GNB1L: variants seen among roughly 807,000 people sequenced by gnomAD.
The protein encoded by GNB1L is guanine nucleotide-binding protein subunit beta-like protein 1.
A neutral mutation model predicts 29.1 loss-of-function variants in GNB1L; 20 were observed. The observed-to-expected ratio is 0.69, with a 90% confidence interval of 0.48 to 1.00. GNB1L has a LOEUF of 1.00. Among genes scored for constraint, GNB1L ranks in the 50% least tolerant of loss-of-function variants. The pLI, the probability that GNB1L is intolerant of heterozygous loss-of-function variation, is 0.00. For synonymous variants in GNB1L, 193 were observed against 206.5 expected, an observed-to-expected ratio of 0.93 and a Z score of 0.56; for missense variants, 421 against 464.9, an observed-to-expected ratio of 0.91 and a Z score of 0.87.
chr22:19,809,544 T>G (rs945082728), intron 5 of GNB1L, among the ~76,000 whole-genome samples: 1 of 152,168 alleles, frequency 6.6e-6, no homozygotes, highest in Non-Finnish European at 1.5e-5. Flanking sequence ...ACAAGCCACC[T>G]ATGGACAGCT....
intron 7 of GNB1L, among the ~76,000 whole-genome samples, chr22:19,793,672 C>T (rs1432033895): frequency 6.6e-6 from 1 of 152,154 alleles, no homozygotes; most frequent in Non-Finnish European, 1.5e-5. Flanking sequence ...AAAGCAGCCA[C>T]GGAGCAAGAC....
At chr22:19,831,292 G>A (rs113107384) in intron 2 of GNB1L, among the ~76,000 whole-genome samples, 3,811 of 151,356 alleles carry the variant, frequency 0.025, 170 homozygotes, top group African/African-American at 0.086. Flanking sequence ...TTTAACCCAG[G>A]AGGCGAAAGT....
intron 2 of GNB1L, among the ~76,000 whole-genome samples, chr22:19,843,857 C>T (rs1054504568): frequency 6.6e-6 from 1 of 152,228 alleles, no homozygotes; most frequent in East Asian, 1.9e-4. Context: ...TGAGTCTGTT[C>T]TCCATCCTAG....
intron 2 of GNB1L, among the ~76,000 whole-genome samples, chr22:19,833,189 C>T (rs1029970452): frequency 5.9e-5 from 9 of 152,198 alleles, no homozygotes; most frequent in East Asian, 1.9e-4. Context: ...TTTACAGATG[C>T]CAACCTTGAG....
chr22:19,817,478 T>G (rs946399830), intron 4 of GNB1L, among the ~76,000 whole-genome samples: 1 of 150,564 alleles, frequency 6.6e-6, no homozygotes, highest in African/African-American at 2.5e-5. Context: ...AGACTTTGTC[T>G]CAAAAAAAGA....
chr22:19,849,372 G>A (rs762297903), intron 2 of GNB1L: 1 of 665,748 alleles, frequency 1.5e-6, no homozygotes, highest in Non-Finnish European at 1.8e-6. Context: ...GTTTTTTGTT[G>A]TTTTTTTTTT....
chr22:19,799,202 A>C (rs1315260796), intron 7 of GNB1L, among the ~76,000 whole-genome samples: 1 of 152,214 alleles, frequency 6.6e-6, no homozygotes, highest in Non-Finnish European at 1.5e-5. Flanking sequence ...AGCCCTAAGA[A>C]TATGGCTGGC....
At chr22:19,824,907 A>C (rs573074628) in intron 2 of GNB1L, among the ~76,000 whole-genome samples, 1 of 152,218 alleles carries the variant, frequency 6.6e-6, no homozygotes, top group African/African-American at 2.4e-5. Flanking sequence ...TTCATGCCAG[A>C]CAGGCCTCAG....
At chr22:19,827,888 G>A (rs1162752938) in intron 2 of GNB1L, among the ~76,000 whole-genome samples, 2 of 152,200 alleles carry the variant, frequency 1.3e-5, no homozygotes, top group African/African-American at 4.8e-5. Flanking sequence ...GTTCCTAGTA[G>A]TATTGGGTAT....
In GNB1L at chr22:19,785,435, G is replaced by A. The variant is rs915043009; in HGVS notation, c.*3274C>T. 6 of 151,914 alleles carry A rather than the reference G, an allele frequency of 3.9e-5. No individual in the cohort carries two copies. Among genetic ancestry groups the A allele is most frequent in the Non-Finnish European group, 7.4e-5 (5 of 68,014 alleles). The allele number at this position is 151,914 out of a possible 1,614,324, so 9.4% of individuals were successfully genotyped here. On this transcript the variant is annotated 3_prime_UTR_variant, in exon 8 of 8. Coordinates refer to ENST00000329517, the MANE Select transcript of GNB1L (RefSeq NM_053004.3). The surrounding 1 kb of genome is among the most constrained non-coding windows in gnomAD (Gnocchi z 4.1). ...AAAAAAAAAACACCCCAAAAACACA[G>A]GATGGTAGAACACACCTACCTGAGT...
chr22:19,789,272 C>G (rs1325109664), intron 7 of GNB1L, among the ~76,000 whole-genome samples: 1 of 152,188 alleles, frequency 6.6e-6, no homozygotes, highest in Non-Finnish European at 1.5e-5. Context: ...GGTCCCGGGA[C>G]CCCTCACCCC....
chr22:19,801,265 A>G (rs1173847574), intron 7 of GNB1L, among the ~76,000 whole-genome samples: 1 of 152,138 alleles, frequency 6.6e-6, no homozygotes, highest in East Asian at 1.9e-4. Context: ...TCCACCCCCC[A>G]GAAGCCAGGA....
In GNB1L at chr22:19,816,295, G is replaced by A. The variant is rs1396031323; in HGVS notation, c.255-3848C>T. ...ACCATCAGGGGTGTCAACCCTGATCGCCTGGTCAGGACCCATAGTTTTCAA... is the reference window on the plus strand; with the variant it reads ...ACCATCAGGGGTGTCAACCCTGATCACCTGGTCAGGACCCATAGTTTTCAA... On this transcript the variant is annotated intron_variant, in intron 4 of 7. Coordinates refer to ENST00000329517, the MANE Select transcript of GNB1L (RefSeq NM_053004.3). This position sits in a 1 kb window ranked among gnomAD's most constrained non-coding sequence, Gnocchi z 4.4. Among the ~76,000 whole-genome samples, 1 of 152,198 alleles carries A rather than the reference G, an allele frequency of 6.6e-6. No homozygotes were observed. Among genetic ancestry groups the A allele is most frequent in the East Asian group, 1.9e-4 (1 of 5,198 alleles).
chr22:19,846,493 T>C, intron 2 of GNB1L: 3 of 985,416 alleles, frequency 3.0e-6, no homozygotes, highest in Non-Finnish European at 3.6e-6. Context: ...CACAGGCATG[T>C]GGAGACCACA....
Position 19,786,455 on chromosome 22 carries a change from T to C in GNB1L, c.*2254A>G, listed in dbSNP as rs1937192232. ...CTCTATGTAAGACATCAGCAGGCAG[T>C]GCCACTCGCCAACCTCATGCTGGCA... On this transcript the variant is annotated 3_prime_UTR_variant, in exon 8 of 8. Transcript: ENST00000329517. The C allele has an allele frequency of 6.6e-6, 1 of 152,304 alleles. No homozygotes were observed. Among genetic ancestry groups the C allele is most frequent in the Non-Finnish European group, 1.5e-5 (1 of 68,118 alleles). 9.4% of individuals were successfully genotyped at this position (152,304 alleles called of 1,614,324 possible).
rs558361291 is a variant in GNB1L, at chr22:19,814,844, G to A, written c.255-2397C>T. Among the ~76,000 whole-genome samples the A allele has an allele frequency of 3.9e-5, 6 of 152,236 alleles. No homozygotes were observed. The East Asian group carries it at 9.7e-4, about 25-fold the overall frequency. On this transcript the variant is annotated intron_variant, in intron 4 of 7. Coordinates refer to ENST00000329517, the MANE Select transcript of GNB1L (RefSeq NM_053004.3). ...GCCCAGGAGTTCAAGACCAGTCTGG[G>A]TAACATAGTGAGACTCCATCTCTAC...
intron 7 of GNB1L, among the ~76,000 whole-genome samples, chr22:19,796,971 A>C (rs192796623): frequency 3.3e-5 from 5 of 152,334 alleles, no homozygotes; most frequent in Non-Finnish European, 7.3e-5. Flanking sequence ...TTAAACAATC[A>C]TCACAAGCAG....
At chr22:19,819,055 G>C (rs1937557422) in intron 4 of GNB1L, among the ~76,000 whole-genome samples, 1 of 152,164 alleles carries the variant, frequency 6.6e-6, no homozygotes, top group African/African-American at 2.4e-5. Context: ...AGACCACGGG[G>C]GCGATGTCAG....
intron 7 of GNB1L, among the ~76,000 whole-genome samples, chr22:19,801,774 G>A (rs551198895): frequency 3.3e-5 from 5 of 151,776 alleles, no homozygotes; most frequent in Middle Eastern, 3.4e-3. Flanking sequence ...AAGATGTGAC[G>A]GCATGAACCC....
Sources: allele counts gnomAD v4.1 joint callset (sites outside exome capture counted in the v4.1 genomes callset), GRCh38; gene constraint gnomAD v4.1.1; non-coding constraint Gnocchi (gnomAD v3.1); transcripts MANE v1.5; gene names NCBI Gene and HGNC (gene_info 2026-07-23, HGNC 2026-07-21).